Variants in MCUB observed in about 807,000 individuals in gnomAD.
MCUB encodes mitochondrial calcium uniporter dominant negative subunit beta.
In MCUB, 46 loss-of-function variants were observed where a neutral mutation model predicts 41.4. The ratio of observed to expected loss-of-function variants is 1.11; its 90% CI spans 0.88 to 1.42. The LOEUF is 1.42. Ranked by LOEUF, MCUB falls within the 40% of genes most tolerant of loss-of-function variation. The pLI is 0.00. For missense variants in MCUB, 403 were observed against 404.9 expected (o/e 1.00, Z 0.04); for synonymous variants, 148 against 148.2 (o/e 1.00, Z 0.01).
chr4:109,671,060 T>G (rs746994270), intron 4 of MCUB, among the ~76,000 whole-genome samples: 1 of 152,240 alleles, frequency 6.6e-6, no homozygotes, highest in Non-Finnish European at 1.5e-5. Context: ...CTTTTCAATT[T>G]TGGCGACAGC....
At chr4:109,620,979 A>G (rs1273351089) in intron 1 of MCUB, among the ~76,000 whole-genome samples, 1 of 151,628 alleles carries the variant, frequency 6.6e-6, no homozygotes, top group African/African-American at 2.4e-5. Context: ...GCTCACTGCA[A>G]CCTCTGCCTC....
rs376989278 is a variant in MCUB, at chr4:109,682,757, C to T, written c.612+15C>T. 8.2e-6 allele frequency: 13 copies of T among 1,593,832 alleles called. No homozygotes were observed. Among genetic ancestry groups the T allele is most frequent in the Middle Eastern group, 3.3e-4 (2 of 5,996 alleles). ...CCCTTGAACAGGTTAGGAAGCATCA[C>T]GGTTGAGTATATTTGAAAATAATAC... On this transcript the variant is annotated intron_variant, in intron 5 of 7. Transcript: ENST00000394650.
At chr4:109,682,780 T>C in intron 5 of MCUB, 38 bp downstream of exon 5, 1 of 1,510,428 alleles carries the variant, frequency 6.6e-7, no homozygotes, top group Non-Finnish European at 9.1e-7. Flanking sequence ...TTGAAAATAA[T>C]ACCTAGTGTT....
At chr4:109,681,853 A>T (rs1045939769) in intron 4 of MCUB, among the ~76,000 whole-genome samples, 11 of 152,240 alleles carry the variant, frequency 7.2e-5, no homozygotes, top group African/African-American at 2.7e-4. Context: ...GCAGTAACAA[A>T]CACGAACCAG....
At chr4:109,649,399 T>G (rs1728911061) in intron 1 of MCUB, among the ~76,000 whole-genome samples, 1 of 152,200 alleles carries the variant, frequency 6.6e-6, no homozygotes, top group Non-Finnish European at 1.5e-5. Flanking sequence ...GGTGTGTAAG[T>G]TTTCTTACAT....
chr4:109,656,354 CTTTTTTTTTTTTTTTTTTTT>C (rs752851425), intron 1 of MCUB, among the ~76,000 whole-genome samples: 36 of 62,116 alleles, frequency 5.8e-4, no homozygotes, highest in South Asian at 4.2e-3. Flanking sequence ...TTACTCTCTA[CTTTTTTTTTTTTTTTTTTTT>C]TTTTTTTTTT....
rs192564406 is a variant in MCUB at position 109,638,573 on chromosome 4, G to A, written c.100-20438G>A. 1.1e-4 allele frequency among the ~76,000 whole-genome samples: 16 copies of A among 152,196 alleles called. No individual in the cohort carries two copies. In the East Asian group the frequency reaches 3.1e-3, roughly 29 times the overall value. On this transcript the variant is annotated intron_variant, in intron 1 of 7. Coordinates refer to ENST00000394650, the MANE Select transcript of MCUB (RefSeq NM_017918.5). ...TCAGGATGGTGGTTGCTGAAGGTTG[G>A]AGTGGCTGTGGCAATTCCTTAAAAT...
At chr4:109,634,613 A>G (rs888135964) in intron 1 of MCUB, among the ~76,000 whole-genome samples, 1 of 152,162 alleles carries the variant, frequency 6.6e-6, no homozygotes, top group African/African-American at 2.4e-5. Context: ...ATTTATATGA[A>G]TGGAATCTCA....
chr4:109,627,258 G>A (rs1728381387), intron 1 of MCUB, among the ~76,000 whole-genome samples: 1 of 152,138 alleles, frequency 6.6e-6, no homozygotes, highest in Non-Finnish European at 1.5e-5. Context: ...TTGCTGGCAT[G>A]TATCTGGAAG....
intron 1 of MCUB, among the ~76,000 whole-genome samples, chr4:109,572,026 G>C (rs1726926757): frequency 6.6e-6 from 1 of 150,496 alleles, no homozygotes; most frequent in Non-Finnish European, 1.5e-5. Context: ...GTTTTGTTTT[G>C]GGGGTCACTG....
intron 2 of MCUB, 69 bp downstream of exon 2, chr4:109,659,155 G>C: frequency 1.1e-6 from 1 of 931,124 alleles, no homozygotes; most frequent in East Asian, 2.6e-5. Context: ...AAAGAGCTGC[G>C]AGAGTTTTGA....
In MCUB at chr4:109,645,693, A is replaced by G. The variant is rs185883336; in HGVS notation, c.100-13318A>G. ...CTTTTATACTTTCTCTACTCACTGC[A>G]TAGAGAGCCCTGCTCAGTGTACCCA... is the stretch of plus-strand genomic sequence containing the variant. On this transcript the variant is annotated intron_variant, in intron 1 of 7. Transcript: ENST00000394650. 5.9e-5 allele frequency among the ~76,000 whole-genome samples: 9 copies of G among 152,250 alleles called. No individual in the cohort carries two copies. In the East Asian group the frequency reaches 1.7e-3, roughly 30 times the overall value.
intron 1 of MCUB, among the ~76,000 whole-genome samples, chr4:109,569,160 C>A (rs1396821710): frequency 6.6e-6 from 1 of 151,992 alleles, no homozygotes; most frequent in Admixed American, 6.6e-5. Flanking sequence ...CATTCTCCTG[C>A]CTCAGCCTCC....
intron 1 of MCUB, among the ~76,000 whole-genome samples, chr4:109,577,140 C>T (rs762040222): frequency 7.2e-5 from 11 of 152,200 alleles, no homozygotes; most frequent in Non-Finnish European, 1.3e-4. Flanking sequence ...GCGTGAGCCA[C>T]CACACCTGGG....
chr4:109,668,404 G>T (rs1026013137), intron 4 of MCUB, among the ~76,000 whole-genome samples: 1 of 151,928 alleles, frequency 6.6e-6, no homozygotes, highest in African/African-American at 2.4e-5. Context: ...TTTACTCCTG[G>T]TAGCTTTCCT....
intron 4 of MCUB, chr4:109,674,168 C>T (rs1387788285): frequency 5.9e-5 from 55 of 931,924 alleles, no homozygotes; most frequent in East Asian, 2.4e-4. Flanking sequence ...TTTAGTTAGA[C>T]GTCTCATTAT....
chr4:109,643,307 C>T (rs1397985247), intron 1 of MCUB, among the ~76,000 whole-genome samples: 1 of 150,812 alleles, frequency 6.6e-6, no homozygotes, highest in African/African-American at 2.4e-5. Context: ...GCCTCAGCCT[C>T]CTGAGTAGCT....
intron 1 of MCUB, among the ~76,000 whole-genome samples, chr4:109,591,185 CTT>C (rs111954864): frequency 6.4e-5 from 9 of 141,318 alleles, no homozygotes; most frequent in Non-Finnish European, 6.2e-5. Context: ...TGTTAAAATT[CTT>C]TTTTTTTTTT....
At chr4:109,664,725 G>T (rs1313545524) in intron 4 of MCUB, among the ~76,000 whole-genome samples, 1 of 152,122 alleles carries the variant, frequency 6.6e-6, no homozygotes, top group Non-Finnish European at 1.5e-5. Flanking sequence ...AGATGACCAA[G>T]AAGTCTTTGG....
Sources: gnomAD v4.1 joint callset for allele counts (sites outside exome capture counted in the v4.1 genomes callset) on GRCh38, gnomAD v4.1.1 for gene constraint, MANE v1.5 for transcripts, NCBI Gene and HGNC (gene_info 2026-07-23, HGNC 2026-07-21) for gene names.